Variants in SEMA5A observed in about 807,000 individuals in gnomAD.
The protein encoded by SEMA5A is semaphorin 5A.
In SEMA5A, 55 loss-of-function variants were observed where a neutral mutation model predicts 135.5. The ratio of observed to expected loss-of-function variants is 0.41; its 90% CI spans 0.33 to 0.51. The LOEUF is 0.51. SEMA5A is among the 20% of genes least tolerant of loss of function. SEMA5A has a pLI of 0.37. For missense variants in SEMA5A, 1,290 were observed against 1,419.9 expected (o/e 0.91, Z 1.47); for synonymous variants, 580 against 546.5 (o/e 1.06, Z -0.85).
At chr5:9,154,448 AC>A in intron 12 of SEMA5A, 39 bp downstream of exon 12, 1 of 1,585,750 alleles carries the variant, frequency 6.3e-7, no homozygotes, top group Non-Finnish European at 8.6e-7. Context: ...TGGGCCCTTC[AC>A]ACACACACCA....
At position 9,202,119 on chromosome 5, in the gene SEMA5A, G is replaced by A. The variant is rs754539774; in HGVS notation, c.768C>T (p.Asn256=). 18 of 1,614,058 alleles carry A rather than the reference G, an allele frequency of 1.1e-5. No homozygotes were observed. Among genetic ancestry groups the A allele is most frequent in the Middle Eastern group, 3.3e-4 (2 of 6,084 alleles). Residue 256 remains asparagine, a synonymous_variant, in exon 9 of 23, where the codon AAC becomes AAT. Transcript: ENST00000382496. The part of the protein sequence containing the change: ...VFSRAARVCK[N]DIGGRFLLED... ...CCAGCAGGAAGCGCCCACCAATATC[G>A]TTCTTGCACACCCGGGCAGCTCTGG...
At position 9,109,028 on chromosome 5, in the gene SEMA5A, A is replaced by ATT. The variant is rs67762219; in HGVS notation, c.1926-743_1926-742dup. Among the ~76,000 whole-genome samples the ATT allele has an allele frequency of 5.9e-3, 549 of 92,430 alleles. 69 individuals carry two copies. The highest frequency in any genetic ancestry group is 7.0e-3 in the Non-Finnish European group (353 of 50,178). 60.6% of individuals were successfully genotyped at this position (92,430 alleles called of 152,430 possible). A position where few individuals can be genotyped will look rare whatever the true frequency, so the allele number is the denominator to read the frequency against. On this transcript the variant is annotated intron_variant, in intron 15 of 22. Transcript: ENST00000382496. ...TCATGAGTCATATTATTTCTCTTCA[A>ATT]TTTTTTTTTTTTTTTTTTTTTTTTT...
At chr5:9,397,890 A>G (rs556586055) in intron 2 of SEMA5A, among the ~76,000 whole-genome samples, 2 of 152,176 alleles carry the variant, frequency 1.3e-5, no homozygotes, top group Non-Finnish European at 2.9e-5. Flanking sequence ...TAAAATGACT[A>G]GAATTCTCAT....
intron 5 of SEMA5A, among the ~76,000 whole-genome samples, chr5:9,284,106 T>TAGAGAGAGAGAGAGAGAGAGAGAGAGAG (rs3034563): frequency 6.7e-6 from 1 of 148,486 alleles, no homozygotes; most frequent in African/African-American, 2.5e-5. Flanking sequence ...AGATAGATAT[T>TAGAGAGAGAGAGAGAGAGAGAGAGAGAG]AGAGAGAGAG....
chr5:9,418,835 T>G (rs1579509400), intron 2 of SEMA5A, among the ~76,000 whole-genome samples: 1 of 152,224 alleles, frequency 6.6e-6, no homozygotes, highest in Non-Finnish European at 1.5e-5. Flanking sequence ...ATAGGCATCC[T>G]AACCATTTAG....
At chr5:9,324,730 G>C (rs548981837) in intron 4 of SEMA5A, among the ~76,000 whole-genome samples, 4 of 152,338 alleles carry the variant, frequency 2.6e-5, no homozygotes, top group African/African-American at 9.6e-5. Flanking sequence ...ACAGAACCCT[G>C]CAAGTGGCTG....
At chr5:9,398,617 A>C (rs1756511033) in intron 2 of SEMA5A, among the ~76,000 whole-genome samples, 1 of 152,252 alleles carries the variant, frequency 6.6e-6, no homozygotes, top group African/African-American at 2.4e-5. Context: ...ACTGCAATTC[A>C]GGTAGATCAG....
At chr5:9,175,553 A>G (rs541506297) in intron 11 of SEMA5A, among the ~76,000 whole-genome samples, 1 of 152,192 alleles carries the variant, frequency 6.6e-6, no homozygotes, top group Non-Finnish European at 1.5e-5. Flanking sequence ...TTTGAATGCC[A>G]TACAACATAT....
chr5:9,283,913 C>T (rs1334315352), intron 5 of SEMA5A, among the ~76,000 whole-genome samples: 1 of 152,160 alleles, frequency 6.6e-6, no homozygotes, highest in Admixed American at 6.5e-5. Flanking sequence ...GGACATAACA[C>T]AGAACCCGAG....
chr5:9,532,352 G>A (rs1013298757), intron 1 of SEMA5A, among the ~76,000 whole-genome samples: 3 of 148,240 alleles, frequency 2.0e-5, no homozygotes, highest in East Asian at 2.0e-4. Flanking sequence ...TGCAACCTCC[G>A]CTTCCTGGGT....
chr5:9,500,232 T>C (rs1448245172), intron 1 of SEMA5A, among the ~76,000 whole-genome samples: 4 of 152,238 alleles, frequency 2.6e-5, no homozygotes, highest in Admixed American at 2.0e-4. Flanking sequence ...TATGTTATTA[T>C]AATGCATTAT....
chr5:9,113,388 A>G (rs899996515), intron 15 of SEMA5A, among the ~76,000 whole-genome samples: 3 of 152,086 alleles, frequency 2.0e-5, no homozygotes, highest in Admixed American at 6.5e-5. Context: ...CTTAAAGGAC[A>G]TGGCCAGTAA....
chr5:9,062,988 T>C lies in SEMA5A; in HGVS notation c.2417A>G (p.Asn806Ser), dbSNP rs1477221004. ...GGGGTTGTTGCAAACACGCTTCCGG[T>C]TCCGAATGCCCCTGCTGCAGTCACG... ...CSRDCSRGIR[N>S]RKRVCNNPEP... Residue 806 changes from asparagine (N) to serine (S), a missense_variant, in exon 18 of 23, where the codon AAC becomes AGC. Asn to Ser is a conservative substitution (Grantham distance 46). Coordinates refer to ENST00000382496, the MANE Select transcript of SEMA5A (RefSeq NM_003966.3). 6.2e-7 allele frequency: 1 copy of C among 1,614,082 alleles called. No homozygotes were observed. Among genetic ancestry groups the C allele is most frequent in the African/African-American group, 1.3e-5 (1 of 74,920 alleles).
rs773393360 is a variant in SEMA5A at position 9,202,207 on chromosome 5, T to C, written c.680A>G (p.Asn227Ser). Residue 227 changes from asparagine to serine, a missense_variant, in exon 9 of 23, where the codon AAT becomes AGT. Transcript: ENST00000382496. ...TTCTCGGAAAAAGAAGTAGGTAAAATTTCCGATGTCATAAGATGACACAAA... is the reference window on the plus strand; with the variant it reads ...TTCTCGGAAAAAGAAGTAGGTAAAACTTCCGATGTCATAAGATGACACAAA... ...PNFVSSYDIGNFTYFFFRENA... is the reference protein window; with the variant it reads ...PNFVSSYDIGSFTYFFFRENA... The C allele has an allele frequency of 1.9e-6, 3 of 1,613,938 alleles. No individual in the cohort carries two copies. The highest frequency in any genetic ancestry group is 1.1e-5 in the South Asian group (1 of 91,056).
chr5:9,176,739 T>G (rs1744226396), intron 11 of SEMA5A, among the ~76,000 whole-genome samples: 1 of 152,098 alleles, frequency 6.6e-6, no homozygotes, highest in Admixed American at 6.5e-5. Flanking sequence ...GTGTCAGAGG[T>G]TGGCCCCTGA....
At position 9,239,461 on chromosome 5, in the gene SEMA5A, T is replaced by C. The variant is rs1806003; in HGVS notation, c.271-1571A>G. On this transcript the variant is annotated intron_variant, in intron 5 of 22. Transcript: ENST00000382496. ...ATACAGTTGCATAACTATATCCCCATGAAGTACAGATAAAATAAATGAAAA... is the reference window on the plus strand; with the variant it reads ...ATACAGTTGCATAACTATATCCCCACGAAGTACAGATAAAATAAATGAAAA... 4.1e-3 allele frequency among the ~76,000 whole-genome samples: 617 copies of C among 152,280 alleles called. 4 individuals are homozygous for C. Among genetic ancestry groups the C allele is most frequent in the African/African-American group, 0.014 (579 of 41,568 alleles).
At chr5:9,224,277 A>G (rs182695937) in intron 8 of SEMA5A, among the ~76,000 whole-genome samples, 74 of 152,326 alleles carry the variant, frequency 4.9e-4, no homozygotes, top group African/African-American at 1.7e-3. Flanking sequence ...TCTTTTATAC[A>G]GTTGCTGAAA....
At chr5:9,060,470 C>T (rs3777240) in intron 18 of SEMA5A, among the ~76,000 whole-genome samples, 22 of 152,228 alleles carry the variant, frequency 1.4e-4, no homozygotes, top group East Asian at 1.4e-3. Context: ...ATTCCCATGA[C>T]GTCTGCCCCT....
intron 3 of SEMA5A, among the ~76,000 whole-genome samples, chr5:9,360,671 G>C (rs1754652863): frequency 6.6e-6 from 1 of 152,158 alleles, no homozygotes; most frequent in African/African-American, 2.4e-5. Flanking sequence ...CTCGGCACTA[G>C]GCTGAGCAAC....
Sources: allele counts gnomAD v4.1 joint callset (sites outside exome capture counted in the v4.1 genomes callset), GRCh38; gene constraint gnomAD v4.1.1; transcripts MANE v1.5; gene names NCBI Gene and HGNC (gene_info 2026-07-23, HGNC 2026-07-21).